Variants in SPATS2 observed in about 807,000 individuals in gnomAD.
The protein encoded by SPATS2 is spermatogenesis-associated serine-rich protein 2.
A neutral mutation model predicts 63.7 loss-of-function variants in SPATS2; 38 were observed. That is an observed-to-expected ratio of 0.60 (90% CI 0.46 to 0.78). SPATS2 has a LOEUF of 0.78. SPATS2 is among the 30% of genes least tolerant of loss of function. SPATS2 has a pLI of 0.00. For missense variants in SPATS2, 588 were observed against 666.2 expected, an observed-to-expected ratio of 0.88 and a Z score of 1.29; for synonymous variants, 207 against 232.9, an observed-to-expected ratio of 0.89 and a Z score of 1.01.
chr12:49,369,629 T>G (rs1206908932), intron 1 of SPATS2, among the ~76,000 whole-genome samples: 2 of 152,194 alleles, frequency 1.3e-5, no homozygotes, highest in Non-Finnish European at 1.5e-5. Context: ...AGATGAAGAT[T>G]AAGTTAGTAG....
intron 3 of SPATS2, among the ~76,000 whole-genome samples, chr12:49,473,871 A>C (rs1244609349): frequency 6.6e-6 from 1 of 152,238 alleles, no homozygotes; most frequent in Admixed American, 6.5e-5. Flanking sequence ...TTAGGGATGT[A>C]TGCTTAAGTG....
At chr12:49,494,686 G>A (rs1592455467) in intron 6 of SPATS2, 55 bp from the exon 7 acceptor site, 2 of 1,457,516 alleles carry the variant, frequency 1.4e-6, no homozygotes, top group East Asian at 2.5e-5. Context: ...TCTCTAGGTT[G>A]TGGGGGAATC....
At chr12:49,382,954 C>T (rs898487458) in intron 2 of SPATS2, among the ~76,000 whole-genome samples, 1 of 152,000 alleles carries the variant, frequency 6.6e-6, no homozygotes, top group Non-Finnish European at 1.5e-5. Flanking sequence ...ATCCACCCAC[C>T]TTGGCCTTTC....
chr12:49,482,934 A>C (rs1158562944), intron 3 of SPATS2, among the ~76,000 whole-genome samples: 1 of 151,654 alleles, frequency 6.6e-6, no homozygotes, highest in Non-Finnish European at 1.5e-5. Context: ...GGCTACAGGC[A>C]AGTGCCACCA....
intron 3 of SPATS2, among the ~76,000 whole-genome samples, chr12:49,461,447 T>G (rs1194213840): frequency 6.6e-6 from 1 of 152,174 alleles, no homozygotes; most frequent in East Asian, 1.9e-4. Context: ...TTCTAGCTTC[T>G]TATCTAAAGT....
chr12:49,385,732 T>C (rs1343462685), intron 2 of SPATS2, among the ~76,000 whole-genome samples: 1 of 151,980 alleles, frequency 6.6e-6, no homozygotes, highest in Non-Finnish European at 1.5e-5. Context: ...TGAAATTGTT[T>C]AGGAGAATGG....
chr12:49,372,316 A>G (rs565803381), intron 2 of SPATS2, among the ~76,000 whole-genome samples: 1 of 152,270 alleles, frequency 6.6e-6, no homozygotes, highest in Non-Finnish European at 1.5e-5. Context: ...AAGTGCTGAG[A>G]TTACATGCGT....
intron 2 of SPATS2, among the ~76,000 whole-genome samples, chr12:49,378,978 T>C (rs1365896650): frequency 6.6e-6 from 1 of 151,674 alleles, no homozygotes; most frequent in Non-Finnish European, 1.5e-5. Context: ...ATCGCAGTGG[T>C]GCGATCTCGG....
At chr12:49,522,931 T>TAATGAGGAATCAGTGGTGAA in intron 12 of SPATS2, 78 bp downstream of exon 12, 5 of 1,214,714 alleles carry the variant, frequency 4.1e-6, no homozygotes, top group Non-Finnish European at 4.7e-6. Context: ...TCTTCACCAC[T>TAATGAGGAATCAGTGGTGAA]GATTCCTCAT....
intron 2 of SPATS2, among the ~76,000 whole-genome samples, chr12:49,441,114 TTAAA>T (rs1945410680): frequency 6.6e-6 from 1 of 152,224 alleles, no homozygotes; most frequent in East Asian, 1.9e-4. Context: ...ATTAATTTCT[TTAAA>T]TAGTGTAATA....
intron 1 of SPATS2, among the ~76,000 whole-genome samples, chr12:49,370,775 T>TC (rs994844232): frequency 6.6e-6 from 1 of 152,092 alleles, no homozygotes; most frequent in Non-Finnish European, 1.5e-5. Flanking sequence ...GTTTGTTTAC[T>TC]CCCCCCCAAC....
At chr12:49,419,630 T>C (rs1944945665) in intron 2 of SPATS2, among the ~76,000 whole-genome samples, 1 of 152,240 alleles carries the variant, frequency 6.6e-6, no homozygotes, top group South Asian at 2.1e-4. Context: ...GTTGATTTAA[T>C]GTTTAGTTTG....
At chr12:49,474,005 C>G (rs766165576) in intron 3 of SPATS2, among the ~76,000 whole-genome samples, 30 of 152,192 alleles carry the variant, frequency 2.0e-4, no homozygotes, top group Non-Finnish European at 3.1e-4. Context: ...AGGAAGACTT[C>G]TAAGTACTAG....
At chr12:49,428,358 A>C (rs1945121407) in intron 2 of SPATS2, among the ~76,000 whole-genome samples, 1 of 152,166 alleles carries the variant, frequency 6.6e-6, no homozygotes, top group South Asian at 2.1e-4. Flanking sequence ...TAATACACTC[A>C]CATTCTTGTG....
chr12:49,461,288 A>G, intron 3 of SPATS2: 2 of 468,282 alleles, frequency 4.3e-6, no homozygotes, highest in South Asian at 5.6e-5. Context: ...AATACTGAAC[A>G]TATGTTAGGG....
intron 10 of SPATS2, 43 bp downstream of exon 10, chr12:49,514,656 T>TA (rs781756505): frequency 1.8e-5 from 28 of 1,574,756 alleles, no homozygotes; most frequent in Non-Finnish European, 2.1e-5. Context: ...CCTTCATAAA[T>TA]AGTAGGTACC....
intron 2 of SPATS2, among the ~76,000 whole-genome samples, chr12:49,411,311 C>T (rs1001576902): frequency 2.6e-5 from 4 of 152,118 alleles, no homozygotes; most frequent in Non-Finnish European, 4.4e-5. Context: ...AGGCTCCCAC[C>T]GGATGTGCCC....
chr12:49,501,222 A>G (rs1946562539), intron 9 of SPATS2, among the ~76,000 whole-genome samples: 1 of 152,196 alleles, frequency 6.6e-6, no homozygotes, highest in African/African-American at 2.4e-5. Context: ...TGGGTAATTT[A>G]TAGTGAATAG....
At chr12:49,461,737 C>T (rs1330168986) in intron 3 of SPATS2, among the ~76,000 whole-genome samples, 2 of 152,140 alleles carry the variant, frequency 1.3e-5, no homozygotes, top group Non-Finnish European at 2.9e-5. Context: ...ATCCAGGTCT[C>T]ACATGTTAAA....
Sources: allele counts gnomAD v4.1 joint callset (sites outside exome capture counted in the v4.1 genomes callset), GRCh38; gene constraint gnomAD v4.1.1; transcripts MANE v1.5; gene names NCBI Gene and HGNC (gene_info 2026-07-23, HGNC 2026-07-21).